ADGRL2: variants seen among roughly 807,000 people sequenced by gnomAD.
ADGRL2 encodes calcium-independent alpha-latrotoxin receptor 2.
Under a neutral mutation model 157.4 loss-of-function variants are expected in ADGRL2, and 44 were observed. The ratio of observed to expected loss-of-function variants is 0.28; its 90% CI spans 0.22 to 0.36. The LOEUF (loss-of-function observed/expected upper bound fraction) is 0.36. Ranked by LOEUF, ADGRL2 falls within the 10% of genes least tolerant of loss-of-function variation. ADGRL2 has a pLI of 1.00. For synonymous variants in ADGRL2, 585 were observed against 624.7 expected, an observed-to-expected ratio of 0.94 and a Z score of 0.95; for missense variants, 1,510 against 1,768.9, an observed-to-expected ratio of 0.85 and a Z score of 2.63.
intron 2 of ADGRL2, among the ~76,000 whole-genome samples, chr1:81,901,477 C>G (rs1267936054): frequency 6.6e-6 from 1 of 151,912 alleles, no homozygotes; most frequent in Non-Finnish European, 1.5e-5. Flanking sequence ...TGGGATAGAG[C>G]TTCAAGATTT....
At chr1:81,901,745 A>C (rs1286456879) in intron 2 of ADGRL2, among the ~76,000 whole-genome samples, 1 of 152,286 alleles carries the variant, frequency 6.6e-6, no homozygotes, top group African/African-American at 2.4e-5. Context: ...AATTGCAATA[A>C]TTTTATTAAA....
Position 81,947,482 on chromosome 1 carries a change from T to A in ADGRL2, c.1211-2707T>A, listed in dbSNP as rs139504580. On this transcript the variant is annotated intron_variant, in intron 6 of 23. Transcript: ENST00000686636. ...AAAGTGACCTTAAACAAATTACTTA[T>A]CTTCATCGTTCAGTTTCCTTATCTG... Among the ~76,000 whole-genome samples, 3 of 152,304 alleles carry A rather than the reference T, an allele frequency of 2.0e-5. No individual in the cohort carries two copies. In the East Asian group the frequency reaches 5.8e-4, roughly 29 times the overall value.
chr1:81,574,879 A>G (rs1311807413), intron 2 of ADGRL2, among the ~76,000 whole-genome samples: 1 of 152,246 alleles, frequency 6.6e-6, no homozygotes, highest in Non-Finnish European at 1.5e-5. Context: ...GAGAAACATT[A>G]TATACTTTTG....
At chr1:81,467,234 T>C (rs188497734) in intron 2 of ADGRL2, among the ~76,000 whole-genome samples, 2 of 152,156 alleles carry the variant, frequency 1.3e-5, no homozygotes, top group Admixed American at 1.3e-4. Flanking sequence ...AGGGCACTGC[T>C]GCATAGGGAG....
chr1:81,796,307 C>T (rs543068702), upstream of ADGRL2, among the ~76,000 whole-genome samples: 1 of 152,058 alleles, frequency 6.6e-6, no homozygotes, highest in African/African-American at 2.4e-5. Context: ...TTTTTTAAAC[C>T]ACGTACTGTT....
chr1:81,410,498 G>T (rs932225900), intron 1 of ADGRL2, among the ~76,000 whole-genome samples: 1 of 152,186 alleles, frequency 6.6e-6, no homozygotes, highest in Non-Finnish European at 1.5e-5. Flanking sequence ...AGGCATCAAA[G>T]GAATTAGGTC....
chr1:81,839,742 C>CAT (rs34164002), intron 2 of ADGRL2, among the ~76,000 whole-genome samples: 11,888 of 146,688 alleles, frequency 0.081, 608 homozygotes, highest in South Asian at 0.22. Context: ...AGTATTCCAT[C>CAT]ATATATATAT....
chr1:81,339,115 T>C (rs1661869101), intron 1 of ADGRL2, among the ~76,000 whole-genome samples: 1 of 152,198 alleles, frequency 6.6e-6, no homozygotes, highest in Non-Finnish European at 1.5e-5. Context: ...TATGTATCTG[T>C]ATAACTAATA....
At chr1:81,800,922 G>A (rs1489311239), upstream of ADGRL2, among the ~76,000 whole-genome samples, 2 of 149,158 alleles carry the variant, frequency 1.3e-5, no homozygotes, top group Non-Finnish European at 3.0e-5. Flanking sequence ...CCGCCTCCGG[G>A]GCGCGTTCCA....
chr1:81,864,247 G>C (rs1000481586), intron 2 of ADGRL2, among the ~76,000 whole-genome samples: 15 of 152,110 alleles, frequency 9.9e-5, no homozygotes, highest in African/African-American at 3.6e-4. Context: ...CCTCAGAATT[G>C]TCAAGCAAGA....
intron 3 of ADGRL2, among the ~76,000 whole-genome samples, chr1:81,593,717 A>G (rs1297803926): frequency 4.6e-5 from 7 of 152,326 alleles, no homozygotes; most frequent in Middle Eastern, 3.4e-3. Flanking sequence ...ACCCCAAGGA[A>G]AATTCTGCAA....
At chr1:81,936,308 C>T (rs1031998160) in intron 3 of ADGRL2, among the ~76,000 whole-genome samples, 10 of 151,872 alleles carry the variant, frequency 6.6e-5, no homozygotes, top group South Asian at 2.1e-4. Flanking sequence ...TTGACTCTTA[C>T]GTTTCTGTTT....
intron 2 of ADGRL2, among the ~76,000 whole-genome samples, chr1:81,490,428 G>T (rs1293878330): frequency 1.3e-5 from 2 of 151,974 alleles, no homozygotes; most frequent in African/African-American, 4.8e-5. Context: ...CACCATGCCT[G>T]GCAACTTAAC....
intron 2 of ADGRL2, among the ~76,000 whole-genome samples, chr1:81,487,108 A>AT (rs2078522416): frequency 1.5e-5 from 2 of 135,518 alleles, no homozygotes; most frequent in Non-Finnish European, 1.6e-5. Context: ...AAAAAAAAAA[A>AT]AGAAAGTAAA....
intron 3 of ADGRL2, among the ~76,000 whole-genome samples, chr1:81,935,819 A>G (rs2095303025): frequency 6.6e-6 from 1 of 151,952 alleles, no homozygotes. Flanking sequence ...CCTTTTGGAC[A>G]AATTCATAGA....
intron 2 of ADGRL2, among the ~76,000 whole-genome samples, chr1:81,498,391 A>G (rs1191775390): frequency 6.6e-6 from 1 of 152,208 alleles, no homozygotes; most frequent in Non-Finnish European, 1.5e-5. Context: ...CTGGTTAAAA[A>G]TGTCATATCA....
At chr1:81,493,990 C>A (rs1483864932) in intron 2 of ADGRL2, among the ~76,000 whole-genome samples, 2 of 152,124 alleles carry the variant, frequency 1.3e-5, no homozygotes, top group Non-Finnish European at 2.9e-5. Flanking sequence ...GAGGCACTTT[C>A]TGAAACAATT....
chr1:81,306,302 G>A (rs1474657924), exon 1 of ADGRL2: 1 of 152,082 alleles, frequency 6.6e-6, no homozygotes, highest in African/African-American at 2.4e-5. Flanking sequence ...CAGGAGCCGT[G>A]GCTCTCAATG....
chr1:81,689,435 C>A (rs1482597999), intron 3 of ADGRL2, among the ~76,000 whole-genome samples: 1 of 152,162 alleles, frequency 6.6e-6, no homozygotes, highest in Non-Finnish European at 1.5e-5. Flanking sequence ...GGACCCAAGC[C>A]TGTGGCAGAG....
Sources: gnomAD v4.1 joint callset for allele counts (sites outside exome capture counted in the v4.1 genomes callset) on GRCh38, gnomAD v4.1.1 for gene constraint, MANE v1.5 for transcripts, NCBI Gene and HGNC (gene_info 2026-07-23, HGNC 2026-07-21) for gene names.